The following GAB1 variants were observed in gnomAD, a reference collection of about 807,000 sequenced individuals.
The protein encoded by GAB1 is GRB2-associated-binding protein 1.
In GAB1, 19 loss-of-function variants were observed where a neutral mutation model predicts 66.5. The ratio of observed to expected loss-of-function variants is 0.29; its 90% confidence interval spans 0.20 to 0.42. GAB1 has a LOEUF of 0.42. GAB1 is among the 10% of genes least tolerant of loss of function. The pLI is 1.00. For missense variants in GAB1, 732 were observed against 858.5 expected (o/e 0.85, Z 1.84); for synonymous variants, 294 against 301.4 (o/e 0.98, Z 0.25).
intron 1 of GAB1, among the ~76,000 whole-genome samples, chr4:143,401,560 A>G (rs1731774657): frequency 6.6e-6 from 1 of 152,144 alleles, no homozygotes; most frequent in Non-Finnish European, 1.5e-5. Context: ...CATGAAATGC[A>G]TTTTCTTTAT....
intron 2 of GAB1, among the ~76,000 whole-genome samples, chr4:143,428,200 C>T (rs149730221): frequency 8.6e-4 from 131 of 152,328 alleles, no homozygotes; most frequent in African/African-American, 3.1e-3. Context: ...TTTTAACTTC[C>T]ATTATTGTCT....
chr4:143,473,074 CTGT>C lies in GAB1; in HGVS notation c.*3887_*3889del, dbSNP rs946402077. 2 of 152,166 alleles carry C rather than the reference CTGT, an allele frequency of 1.3e-5. No homozygotes were observed. Among genetic ancestry groups the C allele is most frequent in the Non-Finnish European group, 2.9e-5 (2 of 68,008 alleles). The allele number at this position is 152,166 out of a possible 1,614,324, so 9.4% of individuals were successfully genotyped here. ...ATTTTATTCCGGTTCAGTATAATCTCTGTTAACAGAGTTTCAGCAAACTGATTG... is the reference window on the plus strand; with the variant it reads ...ATTTTATTCCGGTTCAGTATAATCTCTAACAGAGTTTCAGCAAACTGATTG... On this transcript the variant is annotated 3_prime_UTR_variant, in exon 10 of 10. Coordinates refer to ENST00000262994, the MANE Select transcript of GAB1 (RefSeq NM_002039.4).
chr4:143,464,127 T>A (rs1271727974), intron 8 of GAB1, among the ~76,000 whole-genome samples: 1 of 152,220 alleles, frequency 6.6e-6, no homozygotes, highest in Non-Finnish European at 1.5e-5. Context: ...TTCATGATGA[T>A]TCCAGTTTCT....
chr4:143,458,469 AAG>A (rs1735315713), intron 6 of GAB1, among the ~76,000 whole-genome samples: 1 of 152,054 alleles, frequency 6.6e-6, no homozygotes, highest in South Asian at 2.1e-4. Context: ...ATTTTTTGTT[AAG>A]AGTGGCAGAA....
intron 1 of GAB1, among the ~76,000 whole-genome samples, chr4:143,364,721 T>G (rs1729801172): frequency 6.6e-6 from 1 of 152,050 alleles, no homozygotes; most frequent in African/African-American, 2.4e-5. Context: ...TTCCTTTCTC[T>G]TCACTCCTAC....
At chr4:143,347,925 C>T (rs1278305752) in intron 1 of GAB1, among the ~76,000 whole-genome samples, 1 of 152,204 alleles carries the variant, frequency 6.6e-6, no homozygotes, top group African/African-American at 2.4e-5. Flanking sequence ...TCTTTTTCAC[C>T]TGCTGTTCAT....
intron 8 of GAB1, among the ~76,000 whole-genome samples, chr4:143,461,604 A>C (rs1735496382): frequency 6.6e-6 from 1 of 152,198 alleles, no homozygotes; most frequent in South Asian, 2.1e-4. Flanking sequence ...ACACTTAGAC[A>C]CAAAGGAGCT....
chr4:143,371,557 G>T (rs566240885), intron 1 of GAB1, among the ~76,000 whole-genome samples: 1 of 152,216 alleles, frequency 6.6e-6, no homozygotes, highest in African/African-American at 2.4e-5. Flanking sequence ...AGTTTAATTA[G>T]ATCCCATTTG....
chr4:143,467,968 G>C (rs1348086598), intron 9 of GAB1, among the ~76,000 whole-genome samples: 1 of 152,132 alleles, frequency 6.6e-6, no homozygotes, highest in East Asian at 1.9e-4. Context: ...TCTATATCTT[G>C]TTGAATTTTA....
chr4:143,366,051 A>T (rs1462992811), intron 1 of GAB1, among the ~76,000 whole-genome samples: 1 of 152,216 alleles, frequency 6.6e-6, no homozygotes. Flanking sequence ...TGGCACATGT[A>T]GGGCTTTGTA....
intron 4 of GAB1, 79 bp downstream of exon 4, chr4:143,438,679 G>C: frequency 1.4e-6 from 2 of 1,423,616 alleles, no homozygotes; most frequent in Non-Finnish European, 1.9e-6. Context: ...TCTTTTAAGC[G>C]TAGTTAAATA....
At chr4:143,338,188 T>C (rs2149638336) in intron 1 of GAB1, among the ~76,000 whole-genome samples, 1 of 152,354 alleles carries the variant, frequency 6.6e-6, no homozygotes, top group East Asian at 1.9e-4. Context: ...GTCTGGGATC[T>C]TATTCTTCCT....
rs528066438 is a variant in GAB1 at position 143,399,302 on chromosome 4, C to T, written c.73-16175C>T. Among the ~76,000 whole-genome samples the T allele has an allele frequency of 4.6e-5, 7 of 152,250 alleles. No individual in the cohort carries two copies. In the East Asian group the frequency reaches 1.4e-3, roughly 29 times the overall value. The stretch of plus-strand genomic sequence containing the variant: ...CAGCTTTTCCTTAAAAGGCAATGAT[C>T]AAAAGTCCAAAGGTGCACAAGGAAA... On this transcript the variant is annotated intron_variant, in intron 1 of 9. Transcript: ENST00000262994.
intron 1 of GAB1, among the ~76,000 whole-genome samples, chr4:143,379,224 G>A (rs1730554941): frequency 6.6e-6 from 1 of 152,186 alleles, no homozygotes; most frequent in Non-Finnish European, 1.5e-5. Flanking sequence ...ATTAATGTTT[G>A]TGTCAAATGT....
intron 1 of GAB1, among the ~76,000 whole-genome samples, chr4:143,410,291 A>C (rs1197199501): frequency 6.6e-6 from 1 of 152,224 alleles, no homozygotes; most frequent in African/African-American, 2.4e-5. Flanking sequence ...AACAGGGTGT[A>C]CAGCAGTTAC....
At position 143,439,882 on chromosome 4, in the gene GAB1, C is replaced by T; in HGVS notation, c.1276C>T (p.His426Tyr). 1 of 1,607,884 alleles carries T rather than the reference C, an allele frequency of 6.2e-7. No homozygotes were observed. Among genetic ancestry groups the T allele is most frequent in the Non-Finnish European group, 8.5e-7 (1 of 1,174,464 alleles). The change falls in exon 5 of 10, where the codon CAC (histidine) becomes TAC (tyrosine). Residue 426 changes from histidine to tyrosine, a missense_variant. Physicochemically the swap from His to Tyr is moderately conservative, Grantham distance 83. This residue lies in a region of GAB1 where 427 missense variants were observed against 420.6 expected (regional missense o/e 1.02). Transcript: ENST00000262994. ...TAGTTCACTTGAAGGCTTCCATAACCACTTTGTAAGTATAATTGACCTTGG... is the reference window on the plus strand; with the variant it reads ...TAGTTCACTTGAAGGCTTCCATAACTACTTTGTAAGTATAATTGACCTTGG... ...RSSSLEGFHN[H>Y]FKVKNVLTVG... is the part of the protein sequence containing the mutation.
rs1253248580 is a variant in GAB1 at position 143,449,477 on chromosome 4, T to C, written c.1585+9095T>C. Among the ~76,000 whole-genome samples, 7 of 152,118 alleles carry C rather than the reference T, an allele frequency of 4.6e-5. No individual in the cohort carries two copies. In the East Asian group the frequency reaches 1.2e-3, roughly 25 times the overall value. Reference sequence around the variant, plus strand: ...TGCTTTATGAATCTGGGTGCTCCTGTATTGGGTGCATATATATTTAGGATA... The same window carrying C: ...TGCTTTATGAATCTGGGTGCTCCTGCATTGGGTGCATATATATTTAGGATA... On this transcript the variant is annotated intron_variant, in intron 6 of 9. Coordinates refer to ENST00000262994, the MANE Select transcript of GAB1 (RefSeq NM_002039.4).
intron 1 of GAB1, among the ~76,000 whole-genome samples, chr4:143,372,246 CT>C (rs1730156653): frequency 6.6e-6 from 1 of 152,170 alleles, no homozygotes; most frequent in South Asian, 2.1e-4. Flanking sequence ...CCTGTACCTT[CT>C]GTTGCTTGCT....
intron 8 of GAB1, among the ~76,000 whole-genome samples, chr4:143,465,549 T>G (rs1382929953): frequency 1.3e-5 from 2 of 152,220 alleles, no homozygotes; most frequent in African/African-American, 4.8e-5. Context: ...CTTTATCATT[T>G]CTTGTATTTC....
Sources: gnomAD v4.1 joint callset for allele counts (sites outside exome capture counted in the v4.1 genomes callset) on GRCh38, gnomAD v4.1.1 for gene constraint, gnomAD v4.1.1 regional missense constraint, MANE v1.5 for transcripts, NCBI Gene and HGNC (gene_info 2026-07-23, HGNC 2026-07-21) for gene names.